The following HERC5 variants were observed in gnomAD, a reference collection of about 807,000 sequenced individuals.
HERC5 encodes the protein HECT and RLD domain containing E3 ubiquitin protein ligase 5, also known as E3 ISG15--protein ligase HERC5.
In HERC5, 99 loss-of-function variants were observed where a neutral mutation model predicts 119.6. The ratio of observed to expected loss-of-function variants is 0.83; its 90% CI spans 0.70 to 0.98. HERC5 has a LOEUF of 0.98. Ranked by LOEUF, HERC5 falls within the 50% of genes least tolerant of loss-of-function variation. The probability of loss-of-function intolerance (pLI) is 0.00; values close to 1 mark genes in which losing one functional copy is unlikely to be tolerated. For synonymous variants in HERC5, 478 were observed against 445.9 expected (o/e 1.07, Z -0.91); for missense variants, 1,267 against 1,241.3 (o/e 1.02, Z -0.31).
At chr4:88,489,825 A>G (rs779606716) in intron 16 of HERC5, among the ~76,000 whole-genome samples, 2 of 152,152 alleles carry the variant, frequency 1.3e-5, no homozygotes, top group Non-Finnish European at 2.9e-5. Flanking sequence ...CCTGGTCAAC[A>G]TGGTAAAACC....
chr4:88,472,562 C>T, intron 11 of HERC5, 60 bp downstream of exon 11: 1 of 975,376 alleles, frequency 1.0e-6, no homozygotes, highest in Non-Finnish European at 1.6e-6. Flanking sequence ...TAAAAGAACT[C>T]AAAATTTCAG....
intron 10 of HERC5, among the ~76,000 whole-genome samples, chr4:88,471,503 G>A (rs1277627239): frequency 1.3e-5 from 2 of 151,324 alleles, no homozygotes; most frequent in African/African-American, 4.9e-5. Flanking sequence ...ACCACCTCCT[G>A]CTAATTTTTT....
At chr4:88,462,558 G>T (rs550551626) in intron 4 of HERC5, among the ~76,000 whole-genome samples, 1 of 152,146 alleles carries the variant, frequency 6.6e-6, no homozygotes, top group Non-Finnish European at 1.5e-5. Flanking sequence ...CATGTTTCAG[G>T]GCTGTGTGTG....
rs537578175 is a variant in HERC5 at position 88,495,213 on chromosome 4, T to C, written c.2444+882T>C. On this transcript the variant is annotated intron_variant, in intron 18 of 22. Transcript: ENST00000264350. ...CTAAGGGAATGATATATTTTTGGTA[T>C]ACTTATGCAAATGGAATACTACAGA... 8.5e-5 allele frequency among the ~76,000 whole-genome samples: 13 copies of C among 152,304 alleles called. No individual in the cohort carries two copies. The East Asian group carries it at 2.1e-3, about 25-fold the overall frequency.
In HERC5 at chr4:88,494,343, G is replaced by A. The variant is rs775738831; in HGVS notation, c.2444+12G>A. 6.2e-7 allele frequency: 1 copy of A among 1,607,664 alleles called. No homozygotes were observed. The highest frequency in any genetic ancestry group is 8.5e-7 in the Non-Finnish European group (1 of 1,176,500). Reference sequence around the variant, plus strand: ...CCTGATTTGGGAAAGTAAGTAAACAGAGTTCCTGAGAAAGGACCCTTTCTA... The same window carrying A: ...CCTGATTTGGGAAAGTAAGTAAACAAAGTTCCTGAGAAAGGACCCTTTCTA... On this transcript the variant is annotated intron_variant, in intron 18 of 22. Coordinates refer to ENST00000264350, the MANE Select transcript of HERC5 (RefSeq NM_016323.4).
chr4:88,494,537 T>A (rs1364617201), intron 18 of HERC5, among the ~76,000 whole-genome samples: 1 of 152,244 alleles, frequency 6.6e-6, no homozygotes, highest in Admixed American at 6.5e-5. Context: ...TAGACTTCAA[T>A]GTTTGCATTA....
At chr4:88,463,402 C>A in intron 4 of HERC5, 130 bp from the exon 5 acceptor site, 1 of 628,094 alleles carries the variant, frequency 1.6e-6, no homozygotes, top group Non-Finnish European at 2.8e-6. Flanking sequence ...AACATGGCAA[C>A]ATAGAGCCTT....
At chr4:88,483,727 C>T (rs1001500227) in intron 13 of HERC5, among the ~76,000 whole-genome samples, 2 of 151,758 alleles carry the variant, frequency 1.3e-5, no homozygotes, top group African/African-American at 4.8e-5. Context: ...TGGGGTTTCA[C>T]CACATTGCCC....
intron 9 of HERC5, 86 bp from the exon 10 acceptor site, chr4:88,470,528 T>G (rs1740832221): frequency 1.4e-5 from 10 of 706,024 alleles, no homozygotes; most frequent in Non-Finnish European, 2.2e-5. Flanking sequence ...GATGTGGTAT[T>G]TATCATGTCT....
chr4:88,468,805 C>T (rs1181090141), intron 8 of HERC5, among the ~76,000 whole-genome samples: 2 of 152,214 alleles, frequency 1.3e-5, no homozygotes, highest in African/African-American at 4.8e-5. Flanking sequence ...CTTCCCTGCC[C>T]TACTTCACCA....
chr4:88,461,218 C>G (rs983554305), intron 3 of HERC5, among the ~76,000 whole-genome samples: 2 of 152,092 alleles, frequency 1.3e-5, no homozygotes, highest in Non-Finnish European at 2.9e-5. Flanking sequence ...AGAAATTGAT[C>G]ATTTGACTTC....
chr4:88,458,492 C>T (rs1386939751), intron 1 of HERC5, among the ~76,000 whole-genome samples: 2 of 151,894 alleles, frequency 1.3e-5, no homozygotes, highest in Non-Finnish European at 2.9e-5. Context: ...AAAGGCTTAG[C>T]CTATGTCCCA....
chr4:88,467,390 C>T (rs1740708921), intron 7 of HERC5, among the ~76,000 whole-genome samples, 186 bp downstream of exon 7: 2 of 152,102 alleles, frequency 1.3e-5, no homozygotes, highest in South Asian at 4.1e-4. Flanking sequence ...AATAATTATT[C>T]TATATTACTC....
At position 88,460,242 on chromosome 4, in the gene HERC5, T is replaced by C. The variant is rs530205616; in HGVS notation, c.466+71T>C. 2.2e-5 allele frequency: 16 copies of C among 713,670 alleles called. No individual in the cohort carries two copies. In the African/African-American group the frequency reaches 2.6e-4, roughly 11 times the overall value. 44.2% of individuals were successfully genotyped at this position (713,670 alleles called of 1,614,324 possible). The stretch of plus-strand genomic sequence containing the variant: ...GTGTATATGTGGAGCCAGTAGAATG[T>C]CTATATTTCACTTGTAACAGGACAG... On this transcript the variant is annotated intron_variant, in intron 3 of 22. Transcript: ENST00000264350.
Position 88,457,447 on chromosome 4 carries a change from C to A in HERC5, c.178C>A (p.Pro60Thr). The part of the protein sequence containing the change: ...VEVTRQLCCS[P>T]GRLAVLERGG... ...GGTGACGCGCCAACTCTGCTGCTCG[C>A]CGGGGCGCCTCGCGGTCTTGGAACG... The change falls in exon 1 of 23, where the codon CCG (proline) becomes ACG (threonine). Residue 60 changes from proline (P) to threonine (T), a missense_variant. Physicochemically the swap from Pro to Thr is conservative, Grantham distance 38. Around this residue, in one of 3 missense-constraint regions of HERC5, gnomAD observed 777 missense variants for 758.0 expected, o/e 1.03. Coordinates refer to ENST00000264350, the MANE Select transcript of HERC5 (RefSeq NM_016323.4). The A allele has an allele frequency of 7.4e-7, 1 of 1,350,304 alleles. No homozygotes were observed. The highest frequency in any genetic ancestry group is 9.5e-7 in the Non-Finnish European group (1 of 1,054,610). The allele number at this position is 1,350,304 out of a possible 1,614,324, so 83.6% of individuals were successfully genotyped here. A position where few individuals can be genotyped will look rare whatever the true frequency, so the allele number is the denominator to read the frequency against.
At chr4:88,494,978 G>A (rs1287756300) in intron 18 of HERC5, among the ~76,000 whole-genome samples, 1 of 152,136 alleles carries the variant, frequency 6.6e-6, no homozygotes, top group Non-Finnish European at 1.5e-5. Flanking sequence ...TTAATTTCAG[G>A]TATTATTCGT....
At chr4:88,468,273 G>A in intron 7 of HERC5, 73 bp from the exon 8 acceptor site, 4 of 1,011,894 alleles carry the variant, frequency 4.0e-6, no homozygotes, top group South Asian at 1.5e-5. Context: ...AGAATCTGAA[G>A]TTATTTAAAT....
intron 18 of HERC5, among the ~76,000 whole-genome samples, chr4:88,497,716 C>T (rs780070684): frequency 7.2e-5 from 11 of 152,112 alleles, no homozygotes; most frequent in Non-Finnish European, 1.6e-4. Flanking sequence ...AGAATGCAAA[C>T]GTGTTTGGAA....
At chr4:88,484,011 C>T (rs1741374949) in intron 13 of HERC5, among the ~76,000 whole-genome samples, 1 of 152,126 alleles carries the variant, frequency 6.6e-6, no homozygotes. Context: ...TATTTTCCGT[C>T]TCATTGTCTC....
Sources: gnomAD v4.1 joint callset for allele counts (sites outside exome capture counted in the v4.1 genomes callset) on GRCh38, gnomAD v4.1.1 for gene constraint, gnomAD v4.1.1 regional missense constraint, MANE v1.5 for transcripts, NCBI Gene and HGNC (gene_info 2026-07-23, HGNC 2026-07-21) for gene names.